The following ZSCAN31 variants were observed in gnomAD, a reference collection of about 807,000 sequenced individuals.
ZSCAN31 encodes zinc finger and SCAN domain containing 31, also known as zinc finger and SCAN domain-containing protein 31.
ZSCAN31 carries 14 observed loss-of-function variants against 22.5 expected under a neutral mutation model. The observed-to-expected ratio is 0.62, with a 90% CI of 0.41 to 0.97. The LOEUF (loss-of-function observed/expected upper bound fraction) is 0.97. Among genes scored for constraint, ZSCAN31 ranks in the 50% least tolerant of loss-of-function variants. ZSCAN31 has a pLI of 0.00. For missense variants in ZSCAN31, 424 were observed against 483.4 expected, an observed-to-expected ratio of 0.88 and a Z score of 1.15; for synonymous variants, 168 against 169.8, an observed-to-expected ratio of 0.99 and a Z score of 0.08.
chr6:28,341,054 A>C (rs1764391479), upstream of ZSCAN31, among the ~76,000 whole-genome samples: 1 of 152,224 alleles, frequency 6.6e-6, no homozygotes, highest in Non-Finnish European at 1.5e-5. Flanking sequence ...TAGGAGTTAC[A>C]AGAGAAAGAT....
At chr6:28,350,555 A>C (rs972809328) in intron 2 of ZSCAN31, among the ~76,000 whole-genome samples, 2 of 152,184 alleles carry the variant, frequency 1.3e-5, no homozygotes, top group Admixed American at 1.3e-4. Context: ...TAAAATGGGG[A>C]TAATATTCCC....
chr6:28,336,703 AAC>A (rs980315765), upstream of ZSCAN31: 1 of 152,172 alleles, frequency 6.6e-6, no homozygotes, highest in African/African-American at 2.4e-5. Context: ...GTTTCTTGAG[AAC>A]ACAGTCATCA....
At chr6:28,340,725 T>A (rs1214488452), upstream of ZSCAN31, among the ~76,000 whole-genome samples, 1 of 152,254 alleles carries the variant, frequency 6.6e-6, no homozygotes, top group African/African-American at 2.4e-5. Flanking sequence ...CTTAAAATGA[T>A]ATTATTTTTG....
chr6:28,343,219 C>G (rs994321945), intron 2 of ZSCAN31, among the ~76,000 whole-genome samples: 1 of 152,068 alleles, frequency 6.6e-6, no homozygotes, highest in African/African-American at 2.4e-5. Flanking sequence ...ATCATTTGGG[C>G]TAGGGTTTAT....
chr6:28,355,024 T>C (rs1765331122), upstream of ZSCAN31, among the ~76,000 whole-genome samples: 1 of 152,232 alleles, frequency 6.6e-6, no homozygotes, highest in African/African-American at 2.4e-5. Context: ...TAGGCTGGGC[T>C]GCAACAGCAG....
intron 2 of ZSCAN31, among the ~76,000 whole-genome samples, chr6:28,343,761 C>A (rs1473805066): frequency 1.3e-5 from 2 of 152,042 alleles, no homozygotes; most frequent in Admixed American, 6.5e-5. Context: ...ATCTCCTGAC[C>A]TCATGATCCG....
upstream of ZSCAN31, chr6:28,356,154 C>CG (rs1765407041): frequency 6.6e-6 from 1 of 152,236 alleles, no homozygotes; most frequent in Admixed American, 6.5e-5. Context: ...CGGTGTCCCC[C>CG]CAAGCCTGGC....
chr6:28,335,660 C>G (rs1286931442), intron 1 of ZSCAN31, among the ~76,000 whole-genome samples: 1 of 152,186 alleles, frequency 6.6e-6, no homozygotes. Flanking sequence ...CCGGACCAAG[C>G]TGAGTCAAGC....
rs2113776206 is a variant in ZSCAN31, at chr6:28,325,943, C to G, written c.*223G>C. 1 of 440,610 alleles carries G rather than the reference C, an allele frequency of 2.3e-6. No individual in the cohort carries two copies. Among genetic ancestry groups the G allele is most frequent in the Non-Finnish European group, 4.0e-6 (1 of 246,976 alleles). 27.3% of individuals were successfully genotyped at this position (440,610 alleles called of 1,614,324 possible). On this transcript the variant is annotated 3_prime_UTR_variant, in exon 4 of 4. Coordinates refer to ENST00000344279, the MANE Select transcript of ZSCAN31 (RefSeq NM_030899.5). ...CCCCCTACAATCACAGTCATCCACA[C>G]AGGAGACACCAACACCTGGTTTGTA...
rs936185307 is a variant in ZSCAN31 at position 28,347,268 on chromosome 6, C to A, written c.-370-5476G>T. ...TCCCAGAGTAACCTTATCTCTGATA[C>A]CCTCTCTTGTTCACTCCACCTCAGC... On this transcript the variant is annotated intron_variant, in intron 2 of 7. Coordinates refer to the ZSCAN31 transcript ENST00000396838. The surrounding 1 kb of genome is among the most constrained non-coding windows in gnomAD (Gnocchi z 5.2). Among the ~76,000 whole-genome samples, 1 of 152,160 alleles carries A rather than the reference C, an allele frequency of 6.6e-6. No homozygotes were observed. The highest frequency in any genetic ancestry group is 2.4e-5 in the African/African-American group (1 of 41,424).
At chr6:28,346,595 G>A (rs1214100334) in intron 2 of ZSCAN31, among the ~76,000 whole-genome samples, 3 of 152,054 alleles carry the variant, frequency 2.0e-5, no homozygotes, top group Non-Finnish European at 4.4e-5. Context: ...GACCTCAAGT[G>A]ATCCACCCAT....
rs1240135879 is a variant in ZSCAN31, at chr6:28,333,789, A to G, written c.-96+2293T>C. The stretch of plus-strand genomic sequence containing the variant: ...TGGCAAGCCAAGCAGGAGTCAGATC[A>G]TGTAGGGCATAGGAGTTAGGATTTT... On this transcript the variant is annotated intron_variant, in intron 1 of 3. Transcript: ENST00000344279. This position sits in a 1 kb window ranked among gnomAD's most constrained non-coding sequence, Gnocchi z 4.1. Among the ~76,000 whole-genome samples the G allele has an allele frequency of 1.3e-5, 2 of 152,194 alleles. No homozygotes were observed. The highest frequency in any genetic ancestry group is 2.9e-5 in the Non-Finnish European group (2 of 68,042).
chr6:28,333,163 G>A lies in ZSCAN31; in HGVS notation c.-96+2919C>T, dbSNP rs186974188. ...TCACTGTTTCATTCCAGGACCTGCA[G>A]TGGACTTCCACACTCATGAAAGGGA... On this transcript the variant is annotated intron_variant, in intron 1 of 3. Transcript: ENST00000344279. This position sits in a 1 kb window ranked among gnomAD's most constrained non-coding sequence, Gnocchi z 4.1. Among the ~76,000 whole-genome samples, 1 of 152,188 alleles carries A rather than the reference G, an allele frequency of 6.6e-6. No homozygotes were observed. Among genetic ancestry groups the A allele is most frequent in the African/African-American group, 2.4e-5 (1 of 41,428 alleles).
chr6:28,329,176 AG>A, intron 2 of ZSCAN31, 126 bp downstream of exon 2: 14 of 1,172,674 alleles, frequency 1.2e-5, no homozygotes, highest in Non-Finnish European at 1.5e-5. Flanking sequence ...TTGGCCATTA[AG>A]GTTTAGGGGT....
At chr6:28,344,031 G>C (rs1764537399) in intron 2 of ZSCAN31, among the ~76,000 whole-genome samples, 1 of 152,044 alleles carries the variant, frequency 6.6e-6, no homozygotes, top group African/African-American at 2.4e-5. Flanking sequence ...AGTCAGAAGG[G>C]ATCTGGACTA....
rs1428405898 is a variant in ZSCAN31, at chr6:28,349,080, T to C, written c.-371+4782A>G. On this transcript the variant is annotated intron_variant, in intron 2 of 7. Transcript: ENST00000396838. This position sits in a 1 kb window ranked among gnomAD's most constrained non-coding sequence, Gnocchi z 4.1. The stretch of plus-strand genomic sequence containing the variant: ...TCTCATATACATAGGTGTATATACA[T>C]GTCTCATATACATAGGTGTATATAC... Among the ~76,000 whole-genome samples the C allele has an allele frequency of 6.9e-6, 1 of 144,584 alleles. No homozygotes were observed. The highest frequency in any genetic ancestry group is 7.0e-5 in the Admixed American group (1 of 14,302). 94.9% of individuals were successfully genotyped at this position (144,584 alleles called of 152,430 possible).
rs891131075 is a variant in ZSCAN31, at chr6:28,349,660, C to T, written c.-371+4202G>A. 6.6e-6 allele frequency among the ~76,000 whole-genome samples: 1 copy of T among 152,170 alleles called. No homozygotes were observed. The highest frequency in any genetic ancestry group is 1.5e-5 in the Non-Finnish European group (1 of 68,046). ...ACCGTTCACCTCTCGTAGGTAACCA[C>T]CATTATTAATTTTCCGATTTTTCCA... On this transcript the variant is annotated intron_variant, in intron 2 of 7. Transcript: ENST00000396838. This position sits in a 1 kb window ranked among gnomAD's most constrained non-coding sequence, Gnocchi z 4.1.
chr6:28,325,931 C>A lies in ZSCAN31; in HGVS notation c.*235G>T. On this transcript the variant is annotated 3_prime_UTR_variant, in exon 4 of 4. Coordinates refer to ENST00000344279, the MANE Select transcript of ZSCAN31 (RefSeq NM_030899.5). ...GCCACCCAGCAACCCCCTACAATCA[C>A]AGTCATCCACACAGGAGACACCAAC... The A allele has an allele frequency of 2.6e-6, 1 of 378,342 alleles. No homozygotes were observed. 23.4% of individuals were successfully genotyped at this position (378,342 alleles called of 1,614,324 possible).
intron 2 of ZSCAN31, among the ~76,000 whole-genome samples, chr6:28,328,008 C>A (rs1763433752): frequency 6.6e-6 from 1 of 152,166 alleles, no homozygotes; most frequent in Non-Finnish European, 1.5e-5. Context: ...TTCCGTGATG[C>A]CCCACAAGCC....
Sources: allele counts gnomAD v4.1 joint callset (sites outside exome capture counted in the v4.1 genomes callset), GRCh38; gene constraint gnomAD v4.1.1; non-coding constraint Gnocchi (gnomAD v3.1); transcripts MANE v1.5; gene names NCBI Gene and HGNC (gene_info 2026-07-23, HGNC 2026-07-21).